Variants in BAZ1A observed in about 807,000 individuals in gnomAD.
The protein encoded by BAZ1A is bromodomain adjacent to zinc finger domain protein 1A.
Under a neutral mutation model 185.2 loss-of-function variants are expected in BAZ1A, and 50 were observed. The ratio of observed to expected loss-of-function variants is 0.27; its 90% CI spans 0.22 to 0.34. The LOEUF (loss-of-function observed/expected upper bound fraction) is 0.34. Ranked by LOEUF, BAZ1A falls within the 10% of genes least tolerant of loss-of-function variation. The probability of loss-of-function intolerance (pLI) is 1.00; values close to 1 mark genes in which losing one functional copy is unlikely to be tolerated. For missense variants in BAZ1A, 1,356 were observed against 1,839.9 expected, an observed-to-expected ratio of 0.74 and a Z score of 4.81; for synonymous variants, 571 against 615.6, an observed-to-expected ratio of 0.93 and a Z score of 1.07.
rs907179871 is a variant in BAZ1A, at chr14:34,871,631, G to A, written c.113+2861C>T. ...CTCACGCCTGTAATCCCAACACTTC[G>A]GGAGGCCGAGGCAGGTGGATCACCT... On this transcript the variant is annotated intron_variant, in intron 2 of 26. Transcript: ENST00000360310. 1.6e-4 allele frequency among the ~76,000 whole-genome samples: 24 copies of A among 152,330 alleles called. No homozygotes were observed. The East Asian group carries it at 1.7e-3, about 11-fold the overall frequency.
At chr14:34,827,982 C>A (rs981896909) in intron 3 of BAZ1A, among the ~76,000 whole-genome samples, 1 of 151,928 alleles carries the variant, frequency 6.6e-6, no homozygotes, top group Non-Finnish European at 1.5e-5. Flanking sequence ...ATTTTAGACT[C>A]ATTCAACCAC....
chr14:34,870,279 CAGG>C (rs938288719), intron 2 of BAZ1A, among the ~76,000 whole-genome samples: 14 of 152,032 alleles, frequency 9.2e-5, no homozygotes, highest in African/African-American at 3.4e-4. Flanking sequence ...CTATACCATC[CAGG>C]AAAAAAGGAC....
At chr14:34,761,088 G>T (rs1236923203) in intron 24 of BAZ1A, among the ~76,000 whole-genome samples, 2 of 152,074 alleles carry the variant, frequency 1.3e-5, no homozygotes, top group Non-Finnish European at 2.9e-5. Flanking sequence ...AGACCAGCCT[G>T]GCCAACATGG....
At chr14:34,761,736 A>C in intron 24 of BAZ1A, 21 bp downstream of exon 24, 184 of 1,550,538 alleles carry the variant, frequency 1.2e-4, no homozygotes, top group Non-Finnish European at 1.5e-4. Flanking sequence ...TAGGGAAGGA[A>C]GAGTTTAGAT....
chr14:34,872,504 T>TG (rs11357694), intron 2 of BAZ1A, among the ~76,000 whole-genome samples: 8 of 151,916 alleles, frequency 5.3e-5, no homozygotes, highest in African/African-American at 1.9e-4. Flanking sequence ...GGTGGTAAGG[T>TG]GGGGGGGGAT....
intron 2 of BAZ1A, among the ~76,000 whole-genome samples, chr14:34,868,916 G>GTGTA (rs1555346264): frequency 3.3e-4 from 50 of 150,624 alleles, no homozygotes; most frequent in Non-Finnish European, 4.1e-4. Flanking sequence ...GTGTGTGTGT[G>GTGTA]TGTGTGTGTG....
chr14:34,833,474 G>A (rs901674723), intron 3 of BAZ1A, among the ~76,000 whole-genome samples: 1 of 152,152 alleles, frequency 6.6e-6, no homozygotes, highest in Non-Finnish European at 1.5e-5. Flanking sequence ...GTTGCAGTGA[G>A]CAGAGATCAC....
chr14:34,760,086 G>A (rs932924742), intron 24 of BAZ1A, among the ~76,000 whole-genome samples: 3 of 152,174 alleles, frequency 2.0e-5, no homozygotes. Flanking sequence ...GGTAGAAAGG[G>A]TAGTATAGTC....
At chr14:34,764,997 A>G in intron 22 of BAZ1A, 24 bp downstream of exon 22, 1 of 1,613,484 alleles carries the variant, frequency 6.2e-7, no homozygotes, top group Non-Finnish European at 8.5e-7. Flanking sequence ...TCTCATTTCT[A>G]ATCTGATAAG....
At chr14:34,836,952 T>G (rs2042340269) in intron 3 of BAZ1A, among the ~76,000 whole-genome samples, 1 of 151,980 alleles carries the variant, frequency 6.6e-6, no homozygotes, top group Non-Finnish European at 1.5e-5. Flanking sequence ...GTATTATTTT[T>G]AGTAGACACA....
chr14:34,756,521 A>G (rs1168029497), intron 25 of BAZ1A, among the ~76,000 whole-genome samples: 3 of 126,540 alleles, frequency 2.4e-5, no homozygotes, highest in Non-Finnish European at 4.7e-5. Flanking sequence ...GCTGGGGTGC[A>G]ATGGCGTGAT....
chr14:34,761,369 G>A (rs773815084), intron 24 of BAZ1A, among the ~76,000 whole-genome samples: 2 of 152,176 alleles, frequency 1.3e-5, no homozygotes, highest in African/African-American at 2.4e-5. Context: ...CAGTATTTGA[G>A]ATGGGAACCT....
At chr14:34,830,975 C>T (rs1455432753) in intron 3 of BAZ1A, among the ~76,000 whole-genome samples, 8 of 151,830 alleles carry the variant, frequency 5.3e-5, no homozygotes, top group Admixed American at 5.3e-4. Context: ...CAGGCTGCAG[C>T]CTCTACAACT....
intron 2 of BAZ1A, among the ~76,000 whole-genome samples, chr14:34,868,926 GTA>G (rs571532629): frequency 0.019 from 2,724 of 144,202 alleles, 37 homozygotes; most frequent in East Asian, 0.037. Flanking sequence ...GTGTGTGTGT[GTA>G]TAATACATGT....
rs759956022 is a variant in BAZ1A, at chr14:34,771,605, T to C, written c.3207A>G (p.Thr1069=). ...TPSTVSTNAS[T]PQSVSSVVHY... is the part of the protein sequence containing the mutation. ...GAACCACACTGCTCACTGATTGTGG[T>C]GTACTTGCATTTGTTGATACAGTAC... Residue 1069 remains threonine, a synonymous_variant, in exon 21 of 27, where the codon ACA becomes ACG. Coordinates refer to ENST00000360310, the MANE Select transcript of BAZ1A (RefSeq NM_013448.3). 6.2e-7 allele frequency: 1 copy of C among 1,614,164 alleles called. No individual in the cohort carries two copies. Among genetic ancestry groups the C allele is most frequent in the Admixed American group, 1.7e-5 (1 of 60,024 alleles).
intron 21 of BAZ1A, among the ~76,000 whole-genome samples, 186 bp from the exon 22 acceptor site, chr14:34,765,454 G>A (rs1383640042): frequency 6.6e-6 from 1 of 152,156 alleles, no homozygotes; most frequent in Admixed American, 6.5e-5. Context: ...GCCGCATCTC[G>A]TTTATGACAT....
At chr14:34,760,077 G>A (rs1327994752) in intron 24 of BAZ1A, among the ~76,000 whole-genome samples, 2 of 152,160 alleles carry the variant, frequency 1.3e-5, no homozygotes, top group African/African-American at 2.4e-5. Context: ...ATATGCATTG[G>A]TAGAAAGGGT....
intron 16 of BAZ1A, 61 bp from the exon 17 acceptor site, chr14:34,780,371 T>C (rs1879960033): frequency 3.9e-6 from 6 of 1,519,226 alleles, no homozygotes; most frequent in South Asian, 1.2e-5. Flanking sequence ...TTATGAAATA[T>C]TTATTGCTTG....
At chr14:34,858,263 A>C (rs981526699) in intron 3 of BAZ1A, among the ~76,000 whole-genome samples, 3 of 152,302 alleles carry the variant, frequency 2.0e-5, no homozygotes, top group East Asian at 1.9e-4. Context: ...CAATTAAAAA[A>C]AAATTTTTTT....
Sources: allele counts gnomAD v4.1 joint callset (sites outside exome capture counted in the v4.1 genomes callset), GRCh38; gene constraint gnomAD v4.1.1; transcripts MANE v1.5; gene names NCBI Gene and HGNC (gene_info 2026-07-23, HGNC 2026-07-21).